The following ATRNL1 variants were observed in gnomAD, a reference collection of about 807,000 sequenced individuals.
ATRNL1 encodes the protein attractin like 1, also known as attractin-like protein 1.
In ATRNL1, 95 loss-of-function variants were observed where a neutral mutation model predicts 182.7. The ratio of observed to expected loss-of-function variants is 0.52; its 90% CI spans 0.44 to 0.62. ATRNL1 has a LOEUF of 0.62. Ranked by LOEUF, ATRNL1 falls within the 20% of genes least tolerant of loss-of-function variation. The pLI, the probability that ATRNL1 is intolerant of heterozygous loss-of-function variation, is 0.00. For synonymous variants in ATRNL1, 576 were observed against 568.3 expected (o/e 1.01, Z -0.19); for missense variants, 1,471 against 1,679.5 (o/e 0.88, Z 2.17).
At chr10:115,145,077 AT>A (rs1845915388) in intron 5 of ATRNL1, among the ~76,000 whole-genome samples, 1 of 152,154 alleles carries the variant, frequency 6.6e-6, no homozygotes, top group Admixed American at 6.5e-5. Flanking sequence ...ATTATTTTAG[AT>A]GTTTTTGAAA....
At chr10:115,121,540 G>A (rs921081403) in intron 2 of ATRNL1, among the ~76,000 whole-genome samples, 159 bp from the exon 3 acceptor site, 3 of 151,988 alleles carry the variant, frequency 2.0e-5, no homozygotes, top group Non-Finnish European at 4.4e-5. Context: ...CCCTGATAAG[G>A]ATTTATAGCA....
chr10:115,330,564 G>A (rs562873777), intron 18 of ATRNL1, among the ~76,000 whole-genome samples: 1 of 151,988 alleles, frequency 6.6e-6, no homozygotes, highest in East Asian at 1.9e-4. Context: ...ATTCTTGGCA[G>A]GCAGTTTTGT....
rs1858480635 is a variant in ATRNL1 at position 115,631,142 on chromosome 10, G to A, written c.3795+81606G>A. Among the ~76,000 whole-genome samples the A allele has an allele frequency of 2.0e-5, 3 of 152,114 alleles. No individual in the cohort carries two copies. In the South Asian group the frequency reaches 6.2e-4, roughly 31 times the overall value. On this transcript the variant is annotated intron_variant, in intron 26 of 28. Coordinates refer to ENST00000355044, the MANE Select transcript of ATRNL1 (RefSeq NM_207303.4). ...TATACTAGAATGACTATATTCTAGA[G>A]ATCTAATGTGCAGCATGGGGAGTAT...
chr10:115,792,750 T>C (rs1306325293), intron 27 of ATRNL1, among the ~76,000 whole-genome samples: 1 of 152,078 alleles, frequency 6.6e-6, no homozygotes, highest in African/African-American at 2.4e-5. Flanking sequence ...CATTTATTTC[T>C]TCATTCAAAG....
At chr10:115,630,053 T>G (rs917898362) in intron 26 of ATRNL1, among the ~76,000 whole-genome samples, 6 of 152,178 alleles carry the variant, frequency 3.9e-5, no homozygotes, top group Admixed American at 6.5e-5. Context: ...TGTTTATTTT[T>G]GCTTGCATTG....
chr10:115,369,330 A>G (rs1209157057), intron 19 of ATRNL1, among the ~76,000 whole-genome samples: 3 of 121,158 alleles, frequency 2.5e-5, no homozygotes, highest in Admixed American at 9.0e-5. Context: ...CCATGAGGGG[A>G]TGGGGGTTCT....
intron 9 of ATRNL1, among the ~76,000 whole-genome samples, chr10:115,224,099 C>A (rs894158429): frequency 6.6e-5 from 10 of 150,884 alleles, no homozygotes; most frequent in African/African-American, 2.4e-4. Context: ...CCACGCCTGG[C>A]AATTTTTTTG....
chr10:115,433,546 C>G (rs536697119), intron 21 of ATRNL1, among the ~76,000 whole-genome samples: 1 of 152,190 alleles, frequency 6.6e-6, no homozygotes, highest in South Asian at 2.1e-4. Context: ...CAGTATCTGA[C>G]AAGACATAAA....
At chr10:115,501,344 T>A (rs1221620691) in intron 24 of ATRNL1, among the ~76,000 whole-genome samples, 1 of 152,148 alleles carries the variant, frequency 6.6e-6, no homozygotes, top group African/African-American at 2.4e-5. Context: ...TTGGGGCTCA[T>A]GGGCCTATTA....
intron 26 of ATRNL1, among the ~76,000 whole-genome samples, chr10:115,553,121 T>C (rs1201989409): frequency 7.3e-5 from 11 of 151,326 alleles, no homozygotes; most frequent in Non-Finnish European, 8.9e-5. Flanking sequence ...AATATGAAGA[T>C]ATTATAATTG....
intron 12 of ATRNL1, 30 bp downstream of exon 12, chr10:115,267,035 G>A: frequency 1.3e-6 from 2 of 1,483,530 alleles, no homozygotes; most frequent in Non-Finnish European, 1.9e-6. Context: ...CGTCTTTGTG[G>A]CAGCAAAATT....
chr10:115,644,359 T>C (rs1029650761), intron 26 of ATRNL1, among the ~76,000 whole-genome samples: 1 of 152,166 alleles, frequency 6.6e-6, no homozygotes, highest in Admixed American at 6.6e-5. Context: ...CTACGCACAG[T>C]GTGTACCAAA....
intron 26 of ATRNL1, among the ~76,000 whole-genome samples, chr10:115,723,815 C>T (rs1378567109): frequency 1.3e-5 from 2 of 152,146 alleles, no homozygotes; most frequent in African/African-American, 2.4e-5. Context: ...GCCTCGGCCT[C>T]CCAAAGTGCT....
chr10:115,171,158 A>G lies in ATRNL1; in HGVS notation c.1214A>G (p.His405Arg), dbSNP rs782441637. The G allele has an allele frequency of 4.3e-6, 7 of 1,611,682 alleles. No homozygotes were observed. In the African/African-American group the frequency reaches 5.3e-5, roughly 12 times the overall value. Residue 405 changes from histidine (H) to arginine (R), a missense_variant, in exon 8 of 29, where the codon CAT (histidine) becomes CGT (arginine). Physicochemically the swap from His to Arg is conservative, Grantham distance 29 (BLOSUM62 0). Around this residue, in one of 3 missense-constraint regions of ATRNL1, gnomAD observed 1,031 missense variants for 1,156.0 expected, o/e 0.89. Coordinates refer to ENST00000355044, the MANE Select transcript of ATRNL1 (RefSeq NM_207303.4). ...WSTKTPTVLG[H>R]GQQYAVEGHS... ...ACAAAAACTCCTACTGTTCTTGGAC[A>G]TGGTCAGCAGTATGCTGTGGAGGGA...
intron 8 of ATRNL1, among the ~76,000 whole-genome samples, chr10:115,174,371 T>C (rs573056339): frequency 1.3e-5 from 2 of 151,956 alleles, no homozygotes. Flanking sequence ...GTTTTGACTT[T>C]TGAAATTTTA....
Position 115,389,538 on chromosome 10 carries a change from GTGTATATA to G in ATRNL1, c.3176-5119_3176-5112del, listed in dbSNP as rs1302457619. On this transcript the variant is annotated intron_variant, in intron 19 of 28. Transcript: ENST00000355044. ...AGCTGAATAGTATTCAAATGTGTAT[GTGTATATA>G]TATATATATATATATATATATATAT... Among the ~76,000 whole-genome samples the G allele has an allele frequency of 1.2e-3, 60 of 51,402 alleles. 4 individuals carry two copies. The highest frequency in any genetic ancestry group is 4.0e-3 in the African/African-American group (40 of 10,012). The allele number at this position is 51,402 out of a possible 152,430, so 33.7% of individuals were successfully genotyped here.
chr10:115,405,450 T>G (rs548816052), intron 20 of ATRNL1, among the ~76,000 whole-genome samples: 1 of 152,226 alleles, frequency 6.6e-6, no homozygotes, highest in Non-Finnish European at 1.5e-5. Flanking sequence ...GGTAAGTGAC[T>G]GAACATATTT....
At chr10:115,827,823 C>T (rs767517670) in intron 27 of ATRNL1, among the ~76,000 whole-genome samples, 2 of 152,104 alleles carry the variant, frequency 1.3e-5, no homozygotes, top group Non-Finnish European at 2.9e-5. Context: ...ATAGACTAGC[C>T]TTAAGCAGTG....
chr10:115,254,751 G>A (rs1366836326), intron 10 of ATRNL1, among the ~76,000 whole-genome samples: 1 of 152,092 alleles, frequency 6.6e-6, no homozygotes, highest in Non-Finnish European at 1.5e-5. Context: ...TTCTCTTCTA[G>A]GGTTTTTATG....
Sources: gnomAD v4.1 joint callset for allele counts (sites outside exome capture counted in the v4.1 genomes callset) on GRCh38, gnomAD v4.1.1 for gene constraint, gnomAD v4.1.1 regional missense constraint, MANE v1.5 for transcripts, NCBI Gene and HGNC (gene_info 2026-07-23, HGNC 2026-07-21) for gene names.